MRTFB: variants seen among roughly 807,000 people sequenced by gnomAD.
MRTFB encodes myocardin related transcription factor B.
Under a neutral mutation model 104.2 loss-of-function variants are expected in MRTFB, and 29 were observed. The ratio of observed to expected loss-of-function variants is 0.28; its 90% confidence interval spans 0.21 to 0.38. MRTFB has a LOEUF of 0.38. Ranked by LOEUF, MRTFB falls within the 10% of genes least tolerant of loss-of-function variation. The probability of loss-of-function intolerance (pLI) is 1.00; values close to 1 mark genes in which losing one functional copy is unlikely to be tolerated. For synonymous variants in MRTFB, 535 were observed against 519.5 expected (o/e 1.03, Z -0.41); for missense variants, 1,270 against 1,341.6 (o/e 0.95, Z 0.83).
Position 14,217,152 on chromosome 16 carries a change from G to A in MRTFB, c.379G>A (p.Ala127Thr). 6.2e-7 allele frequency: 1 copy of A among 1,613,250 alleles called. No homozygotes were observed. Among genetic ancestry groups the A allele is most frequent in the Non-Finnish European group, 8.5e-7 (1 of 1,179,652 alleles). Residue 127 changes from alanine (A) to threonine (T), a missense_variant, in exon 7 of 17, where the codon GCT becomes ACT. Coordinates refer to ENST00000571589, the MANE Select transcript of MRTFB (RefSeq NM_001308142.2). The part of the protein sequence containing the change: ...EETFAEPSLQ[A>T]TQMKLKRARL... ...AACATTTGCAGAGCCATCCCTGCAG[G>A]CTACTCAGATGAAGTTGAAAAGAGC... is the stretch of plus-strand genomic sequence containing the variant.
intron 3 of MRTFB, among the ~76,000 whole-genome samples, chr16:14,192,433 A>G (rs898794368): frequency 1.3e-4 from 20 of 152,234 alleles, no homozygotes; most frequent in African/African-American, 4.6e-4. Context: ...ATGAAAAAGT[A>G]AAAGATATCT....
At chr16:13,999,521 A>C in the MRTFB span, among the ~76,000 whole-genome samples, 1 of 151,822 alleles carries the variant, frequency 6.6e-6, no homozygotes, top group Non-Finnish European at 1.5e-5. Context: ...AAAAGAAAGA[A>C]AGAAAAAAAA....
At chr16:14,148,452 C>T (rs1403704636) in intron 3 of MRTFB, among the ~76,000 whole-genome samples, 1 of 152,140 alleles carries the variant, frequency 6.6e-6, no homozygotes, top group Non-Finnish European at 1.5e-5. Context: ...TTCTTTGTTA[C>T]TTAGCTTGTA....
chr16:14,250,526 A>C (rs2043209927), intron 13 of MRTFB, among the ~76,000 whole-genome samples: 1 of 152,230 alleles, frequency 6.6e-6, no homozygotes, highest in Non-Finnish European at 1.5e-5. Flanking sequence ...CCAGTTTTAC[A>C]TGGGGCCTTG....
chr16:14,177,134 G>T lies in MRTFB; in HGVS notation c.155-33109G>T, dbSNP rs923843777. On this transcript the variant is annotated intron_variant, in intron 3 of 16. Transcript: ENST00000571589. This position sits in a 1 kb window ranked among gnomAD's most constrained non-coding sequence, Gnocchi z 4.7. ...GTAGTTCGAATTAGCTGAAGCATAG[G>T]GAACATGTAGGGAGTTAATAACGCC... 2.1e-4 allele frequency among the ~76,000 whole-genome samples: 32 copies of T among 152,226 alleles called. No homozygotes were observed. Among genetic ancestry groups the T allele is most frequent in the Non-Finnish European group, 4.4e-5 (3 of 68,042 alleles).
chr16:14,092,685 C>T (rs764688456), intron 2 of MRTFB: 1 of 152,114 alleles, frequency 6.6e-6, no homozygotes, highest in Non-Finnish European at 1.5e-5. Flanking sequence ...TTAAGAATAA[C>T]TGACTCATGG....
At chr16:14,017,263 A>G in the MRTFB span, among the ~76,000 whole-genome samples, 20 of 151,846 alleles carry the variant, frequency 1.3e-4, no homozygotes, top group Admixed American at 3.9e-4. Flanking sequence ...TCACCATGTT[A>G]GCCAGGATGG....
intron 2 of MRTFB, among the ~76,000 whole-genome samples, chr16:14,084,005 G>T (rs1326107648): frequency 6.6e-6 from 1 of 152,208 alleles, no homozygotes; most frequent in Non-Finnish European, 1.5e-5. Flanking sequence ...AACGTGAAGA[G>T]TTTTCTTATT....
chr16:14,049,640 G>A, the MRTFB span, among the ~76,000 whole-genome samples: 1 of 152,222 alleles, frequency 6.6e-6, no homozygotes, highest in Admixed American at 6.5e-5. Flanking sequence ...TGTATATTGG[G>A]TAATGGCATG....
intron 3 of MRTFB, among the ~76,000 whole-genome samples, chr16:14,168,143 T>G (rs1226165636): frequency 6.6e-6 from 1 of 152,164 alleles, no homozygotes; most frequent in Non-Finnish European, 1.5e-5. Flanking sequence ...ATCAGATGGT[T>G]GTAGATGTGT....
intron 15 of MRTFB, among the ~76,000 whole-genome samples, chr16:14,255,810 T>TAA (rs796096462): frequency 2.7e-5 from 4 of 148,140 alleles, no homozygotes; most frequent in African/African-American, 9.9e-5. Flanking sequence ...AGATAGCTTT[T>TAA]AAAAAAAAAA....
intron 3 of MRTFB, among the ~76,000 whole-genome samples, chr16:14,193,949 A>T (rs979844143): frequency 1.3e-5 from 2 of 152,202 alleles, no homozygotes; most frequent in Non-Finnish European, 2.9e-5. Flanking sequence ...GGTTTATCAG[A>T]GTATTAAATG....
intron 3 of MRTFB, among the ~76,000 whole-genome samples, chr16:14,190,577 G>GA (rs1311596358): frequency 2.0e-5 from 3 of 152,078 alleles, no homozygotes; most frequent in African/African-American, 7.2e-5. Context: ...ATTTTAAGAG[G>GA]AAAAAATGAT....
intron 3 of MRTFB, among the ~76,000 whole-genome samples, chr16:14,166,718 T>C (rs2039256255): frequency 6.6e-6 from 1 of 151,424 alleles, no homozygotes; most frequent in South Asian, 2.1e-4. Flanking sequence ...TGTCCATGTA[T>C]TGTCATTGTT....
chr16:14,128,533 A>G (rs956958568), intron 2 of MRTFB, among the ~76,000 whole-genome samples: 1 of 152,210 alleles, frequency 6.6e-6, no homozygotes, highest in African/African-American at 2.4e-5. Flanking sequence ...AACAACAGCA[A>G]CAGCAACAAA....
chr16:14,052,704 A>C, the MRTFB span, among the ~76,000 whole-genome samples: 1 of 151,404 alleles, frequency 6.6e-6, no homozygotes, highest in Non-Finnish European at 1.5e-5. Flanking sequence ...GTGCCATTGC[A>C]CTATAGCCTG....
chr16:14,000,756 C>T, the MRTFB span, among the ~76,000 whole-genome samples: 1 of 152,196 alleles, frequency 6.6e-6, no homozygotes, highest in African/African-American at 2.4e-5. Flanking sequence ...CCCTTTGTCC[C>T]CCTTCCCATC....
chr16:14,030,059 G>T, the MRTFB span, among the ~76,000 whole-genome samples: 1 of 152,086 alleles, frequency 6.6e-6, no homozygotes, highest in Non-Finnish European at 1.5e-5. Context: ...ACCTCCATGG[G>T]CACGATGAGG....
intron 3 of MRTFB, among the ~76,000 whole-genome samples, chr16:14,189,881 T>C (rs1329292387): frequency 6.6e-6 from 1 of 152,202 alleles, no homozygotes; most frequent in Non-Finnish European, 1.5e-5. Context: ...CTTGTAATTG[T>C]TGACAGTGCT....
Sources: gnomAD v4.1 joint callset for allele counts (sites outside exome capture counted in the v4.1 genomes callset) on GRCh38, gnomAD v4.1.1 for gene constraint, Gnocchi (gnomAD v3.1) non-coding constraint, MANE v1.5 for transcripts, NCBI Gene and HGNC (gene_info 2026-07-23, HGNC 2026-07-21) for gene names.